Variants in TRHDE observed in about 807,000 individuals in gnomAD.
TRHDE encodes thyrotropin releasing hormone degrading enzyme.
A neutral mutation model predicts 125.7 loss-of-function variants in TRHDE; 72 were observed. The observed-to-expected ratio is 0.57, with a 90% confidence interval of 0.47 to 0.70. TRHDE has a LOEUF of 0.70. TRHDE is among the 30% of genes least tolerant of loss of function. TRHDE has a pLI of 0.00. For missense variants in TRHDE, 1,110 were observed against 1,327.1 expected, an observed-to-expected ratio of 0.84 and a Z score of 2.54; for synonymous variants, 509 against 509.1, an observed-to-expected ratio of 1.00 and a Z score of 0.00.
intron 2 of TRHDE, among the ~76,000 whole-genome samples, chr12:72,358,473 C>A (rs1870921159): frequency 6.6e-6 from 1 of 151,560 alleles, no homozygotes; most frequent in Non-Finnish European, 1.5e-5. Flanking sequence ...ACATGACATA[C>A]AACATTTGTG....
At position 72,286,735 on chromosome 12, in the gene TRHDE, T is replaced by G; in HGVS notation, c.969T>G (p.Cys323Trp). Residue 323 changes from cysteine (C) to tryptophan (W), a missense_variant, in exon 2 of 19, where the codon TGT (cysteine) becomes TGG (tryptophan). Transcript: ENST00000261180. ...CACATGCCAGAAAGGCATTTCCTTG[T>G]TTTGATGAGCCAATCTACAAGGCTA... is the stretch of plus-strand genomic sequence containing the variant. Reference protein sequence around the residue: ...SPTHARKAFPCFDEPIYKATF... With the variant: ...SPTHARKAFPWFDEPIYKATF... The G allele has an allele frequency of 6.2e-7, 1 of 1,614,090 alleles. No individual in the cohort carries two copies.
At chr12:72,492,686 T>C (rs573435956) in intron 5 of TRHDE, among the ~76,000 whole-genome samples, 9 of 152,080 alleles carry the variant, frequency 5.9e-5, no homozygotes, top group African/African-American at 1.7e-4. Flanking sequence ...TTATCCTTCA[T>C]TCTAGCCTTG....
At chr12:72,312,549 T>C (rs1868595742) in intron 2 of TRHDE, among the ~76,000 whole-genome samples, 1 of 152,190 alleles carries the variant, frequency 6.6e-6, no homozygotes, top group Non-Finnish European at 1.5e-5. Flanking sequence ...ACTTCGGTTA[T>C]TATGTAACAA....
chr12:72,549,928 C>T (rs1336123585), intron 7 of TRHDE, among the ~76,000 whole-genome samples: 1 of 151,540 alleles, frequency 6.6e-6, no homozygotes, highest in East Asian at 1.9e-4. Context: ...ACCAATGTGG[C>T]TATATAATAT....
chr12:72,571,111 C>T (rs1870713072), intron 10 of TRHDE, among the ~76,000 whole-genome samples: 1 of 151,962 alleles, frequency 6.6e-6, no homozygotes, highest in African/African-American at 2.4e-5. Flanking sequence ...TGAAGTCCTT[C>T]GTTCTGATGA....
chr12:72,424,189 C>T (rs1335857599), intron 3 of TRHDE, among the ~76,000 whole-genome samples: 3 of 152,132 alleles, frequency 2.0e-5, no homozygotes, highest in Non-Finnish European at 4.4e-5. Flanking sequence ...CTTCCCTTGC[C>T]TCTCCCTGGC....
intron 3 of TRHDE, among the ~76,000 whole-genome samples, chr12:72,381,466 G>A (rs1445491687): frequency 3.3e-5 from 5 of 150,740 alleles, no homozygotes; most frequent in African/African-American, 1.2e-4. Flanking sequence ...CGGGATCTCG[G>A]CTCACTGCAA....
chr12:72,105,070 C>T (rs1337015166), intron 1 of TRHDE, among the ~76,000 whole-genome samples: 2 of 152,140 alleles, frequency 1.3e-5, no homozygotes, highest in Admixed American at 1.3e-4. Flanking sequence ...GACTAACCAG[C>T]TGTGAGAGTC....
intron 7 of TRHDE, among the ~76,000 whole-genome samples, chr12:72,547,148 C>CT (rs1565785899): frequency 7.1e-6 from 1 of 141,476 alleles, no homozygotes; most frequent in Non-Finnish European, 1.5e-5. Flanking sequence ...ATTATTTTTA[C>CT]TTGTTTTTTT....
At position 72,239,125 on chromosome 12, in the gene TRHDE, C is replaced by T. The variant is rs1476012007; in HGVS notation, n.279+133373C>T. 2.0e-5 allele frequency among the ~76,000 whole-genome samples: 3 copies of T among 152,250 alleles called. No individual in the cohort carries two copies. In the East Asian group the frequency reaches 5.8e-4, roughly 29 times the overall value. On this transcript the variant is annotated intron_variant and non_coding_transcript_variant, in intron 2 of 4. Transcript: ENST00000548156. ...GGTATCTCATTGTGGTTTTGATCTG[C>T]ATTTCTCTGATGGCCAGTGATGATG...
chr12:72,239,852 T>G (rs1430230365), intron 2 of TRHDE, among the ~76,000 whole-genome samples: 1 of 152,200 alleles, frequency 6.6e-6, no homozygotes, highest in Non-Finnish European at 1.5e-5. Flanking sequence ...TTACCTAAAG[T>G]AATGGATTAC....
intron 1 of TRHDE, among the ~76,000 whole-genome samples, chr12:72,283,056 A>AT (rs1879753360): frequency 6.6e-6 from 1 of 152,112 alleles, no homozygotes; most frequent in Non-Finnish European, 1.5e-5. Context: ...TTCTTCTTAC[A>AT]TTTTCCCCTT....
intron 6 of TRHDE, among the ~76,000 whole-genome samples, chr12:72,502,912 A>G (rs1878215018): frequency 6.6e-6 from 1 of 152,136 alleles, no homozygotes; most frequent in African/African-American, 2.4e-5. Context: ...CAGGGACTTC[A>G]TTTTCATAAT....
intron 1 of TRHDE, among the ~76,000 whole-genome samples, chr12:72,280,880 C>T (rs548466119): frequency 1.3e-5 from 2 of 152,272 alleles, no homozygotes; most frequent in African/African-American, 4.8e-5. Context: ...CTTTATAATA[C>T]TTCCGTAATA....
intron 1 of TRHDE, among the ~76,000 whole-genome samples, chr12:72,099,598 ATC>A (rs1428689439): frequency 2.0e-5 from 3 of 152,194 alleles, no homozygotes; most frequent in African/African-American, 7.2e-5. Context: ...CAGCCTTCAT[ATC>A]TCTCTTATTA....
chr12:72,273,773 TGCCAAAAGATGAATGCTGCC>T lies in TRHDE; in HGVS notation c.914+217_914+236del, dbSNP rs1879365768. On this transcript the variant is annotated intron_variant, in intron 1 of 18. Coordinates refer to ENST00000261180, the MANE Select transcript of TRHDE (RefSeq NM_013381.3). The surrounding 1 kb of genome is among the most constrained non-coding windows in gnomAD (Gnocchi z 5.3). ...CCAACTTCGCAAACTGACTCACCGG[TGCCAAAAGATGAATGCTGCC>T]CCCTCCTCTAGTCGGGACCTCTCCT... is the stretch of plus-strand genomic sequence containing the variant. 5.5e-6 allele frequency: 3 copies of T among 548,954 alleles called. No homozygotes were observed. The African/African-American group carries it at 5.6e-5, about 10-fold the overall frequency. 34.0% of individuals were successfully genotyped at this position (548,954 alleles called of 1,614,324 possible). A position where few individuals can be genotyped will look rare whatever the true frequency, so the allele number is the denominator to read the frequency against.
At chr12:72,293,584 T>C (rs1267253993) in intron 2 of TRHDE, among the ~76,000 whole-genome samples, 1 of 152,182 alleles carries the variant, frequency 6.6e-6, no homozygotes, top group African/African-American at 2.4e-5. Context: ...TGCATACTAA[T>C]GTGAAGAGCC....
chr12:72,490,752 T>G (rs1877632702), intron 5 of TRHDE, among the ~76,000 whole-genome samples: 1 of 136,552 alleles, frequency 7.3e-6, no homozygotes, highest in African/African-American at 2.8e-5. Context: ...ATATGTGGAA[T>G]CTGTAAAAAA....
chr12:72,482,505 ACC>A, intron 5 of TRHDE, among the ~76,000 whole-genome samples: 1 of 152,000 alleles, frequency 6.6e-6, no homozygotes, highest in African/African-American at 2.4e-5. Context: ...GCTCAGATTA[ACC>A]TAGTTACAAT....
Sources: allele counts gnomAD v4.1 joint callset (sites outside exome capture counted in the v4.1 genomes callset), GRCh38; gene constraint gnomAD v4.1.1; non-coding constraint Gnocchi (gnomAD v3.1); transcripts MANE v1.5; gene names NCBI Gene and HGNC (gene_info 2026-07-23, HGNC 2026-07-21).